ZNF182: variants seen among roughly 807,000 people sequenced by gnomAD.
ZNF182 encodes the protein zinc finger protein 21 (KOX 14).
In ZNF182, 10 loss-of-function variants were observed where a neutral mutation model predicts 28.1. The observed-to-expected ratio is 0.36, with a 90% CI of 0.22 to 0.60. The LOEUF is 0.60. ZNF182 is among the 20% of genes least tolerant of loss of function. The pLI is 0.75. For missense variants in ZNF182, 352 were observed against 453.2 expected (o/e 0.78, Z 2.03); for synonymous variants, 156 against 158.7 (o/e 0.98, Z 0.13).
chrX:47,999,470 G>A (rs782149666), intron 3 of ZNF182, among the ~76,000 whole-genome samples: 1 of 110,334 alleles, frequency 9.1e-6, no homozygotes, highest in South Asian at 3.9e-4. Flanking sequence ...AATACTGCCT[G>A]TGCTCACTCA....
intron 5 of ZNF182, among the ~76,000 whole-genome samples, chrX:47,978,395 C>T (rs2058893576): frequency 8.9e-6 from 1 of 111,826 alleles, no homozygotes; most frequent in Middle Eastern, 4.6e-3. Context: ...TTAACTGTAC[C>T]TGACTTACAG....
At chrX:47,981,565 G>A (rs1556899103) in intron 5 of ZNF182, among the ~76,000 whole-genome samples, 1 of 112,294 alleles carries the variant, frequency 8.9e-6, no homozygotes, top group Non-Finnish European at 1.9e-5. Context: ...TGTAACTCAT[G>A]GTAGCCAAAT....
At chrX:47,980,449 G>C (rs142163994) in intron 5 of ZNF182, among the ~76,000 whole-genome samples, 102 of 111,805 alleles carry the variant, frequency 9.1e-4, no homozygotes, top group African/African-American at 3.2e-3. Flanking sequence ...AAAAGATTTT[G>C]AATGTTCTCC....
At chrX:47,983,443 G>C (rs1569408886) in intron 3 of ZNF182, 32 bp from the exon 4 acceptor site, 1 of 1,171,914 alleles carries the variant, frequency 8.5e-7, no homozygotes, top group Non-Finnish European at 1.1e-6. Flanking sequence ...ATTTTAAAAT[G>C]CTGACCACTA....
At chrX:47,994,782 G>A (rs1556900860) in intron 3 of ZNF182, among the ~76,000 whole-genome samples, 1 of 110,381 alleles carries the variant, frequency 9.1e-6, no homozygotes, top group East Asian at 2.9e-4. Context: ...GAGATTACAG[G>A]CACCTGCCAC....
rs1044149773 is a variant in ZNF182, at chrX:47,976,423, G to A, written c.1607C>T (p.Ser536Leu). 6 of 1,211,623 alleles carry A rather than the reference G, an allele frequency of 5.0e-6. No individual in the cohort carries two copies. Among genetic ancestry groups the A allele is most frequent in the Non-Finnish European group, 6.7e-6 (6 of 895,506 alleles). ...PVCWKAFSQK[S>L]QLIIHQRTHT... ...CGTTCTCTGATGTATTATGAGCTGT[G>A]ACTTCTGGCTAAAAGCTTTCCAACA... Residue 536 changes from serine to leucine, a missense_variant, in exon 6 of 6, where the codon TCA becomes TTA. Transcript: ENST00000376943.
chrX:47,984,950 A>G (rs1383339601), intron 3 of ZNF182, among the ~76,000 whole-genome samples: 1 of 111,780 alleles, frequency 8.9e-6, no homozygotes, highest in East Asian at 2.8e-4. Context: ...CACACCTATT[A>G]GAATGGGGAA....
At chrX:47,985,703 G>A (rs2146463437) in intron 3 of ZNF182, among the ~76,000 whole-genome samples, 1 of 110,812 alleles carries the variant, frequency 9.0e-6, no homozygotes, top group South Asian at 4.0e-4. Context: ...TGTGGAAGTG[G>A]AAGTGGCACC....
intron 3 of ZNF182, among the ~76,000 whole-genome samples, chrX:47,987,042 CGT>C (rs2058925628): frequency 8.9e-6 from 1 of 111,844 alleles, no homozygotes; most frequent in Non-Finnish European, 1.9e-5. Context: ...ACCTTGTGAT[CGT>C]GTGAGTCAAT....
chrX:47,996,731 G>T (rs2058959563), intron 3 of ZNF182, among the ~76,000 whole-genome samples: 1 of 111,713 alleles, frequency 9.0e-6, no homozygotes, highest in South Asian at 3.7e-4. Context: ...GTTAAATGAG[G>T]TCATAAGGGT....
chrX:47,977,887 T>C (rs2058891799), intron 5 of ZNF182, 90 bp from the exon 6 acceptor site: 1 of 828,161 alleles, frequency 1.2e-6, no homozygotes, highest in Non-Finnish European at 1.6e-6. Flanking sequence ...AAGCTGATAC[T>C]ATAATCTCAT....
At chrX:47,990,105 T>TA (rs1166697396) in intron 3 of ZNF182, among the ~76,000 whole-genome samples, 1 of 109,941 alleles carries the variant, frequency 9.1e-6, no homozygotes. Flanking sequence ...TCTCAGGCAT[T>TA]AAAAAAAACA....
At chrX:47,986,273 CTGTAAT>C (rs1479638663) in intron 3 of ZNF182, among the ~76,000 whole-genome samples, 2 of 112,601 alleles carry the variant, frequency 1.8e-5, no homozygotes, top group East Asian at 5.6e-4. Context: ...GAAACGAGGA[CTGTAAT>C]TGTCATGAGG....
intron 5 of ZNF182, among the ~76,000 whole-genome samples, chrX:47,981,473 T>G (rs1814670178): frequency 8.9e-6 from 1 of 112,772 alleles, no homozygotes; most frequent in Non-Finnish European, 1.9e-5. Context: ...CACCTTTGGA[T>G]GATGCTACAA....
chrX:47,979,675 C>T (rs997099293), intron 5 of ZNF182, among the ~76,000 whole-genome samples: 1 of 111,135 alleles, frequency 9.0e-6, no homozygotes, highest in Non-Finnish European at 1.9e-5. Flanking sequence ...TTAAGAATCA[C>T]CACATTACTG....
intron 2 of ZNF182, among the ~76,000 whole-genome samples, chrX:48,002,859 T>C (rs1478038824): frequency 2.7e-5 from 3 of 112,490 alleles, no homozygotes; most frequent in Non-Finnish European, 5.6e-5. Context: ...TATACACATA[T>C]ATTAAATTGT....
rs782156623 is a variant in ZNF182 at position 47,977,560 on chromosome X, C to G, written c.470G>C (p.Arg157Thr). 1 of 1,207,300 alleles carries G rather than the reference C, an allele frequency of 8.3e-7. No individual in the cohort carries two copies. The highest frequency in any genetic ancestry group is 1.1e-6 in the Non-Finnish European group (1 of 893,361). The change falls in exon 6 of 6, where the codon AGA becomes ACA. Residue 157 changes from arginine to threonine, a missense_variant. By Grantham distance (71) the Arg-to-Thr change is moderately conservative. Coordinates refer to ENST00000376943, the MANE Select transcript of ZNF182 (RefSeq NM_001007088.2). ...NMVDNLDLFS[R>T]SSAENKYDNG... ...ATCATATTTATTTTCTGCAGAACTT[C>G]TACTAAATAAGTCTAAATTATCTAC...
In ZNF182 at chrX:47,976,080, C is replaced by T; in HGVS notation, c.*87G>A. ...GGCTGAATTTACTCCCATATTTAAA[C>T]CACAAGTCAAAATATACTTTTAAAA... On this transcript the variant is annotated 3_prime_UTR_variant, in exon 6 of 6. Coordinates refer to ENST00000376943, the MANE Select transcript of ZNF182 (RefSeq NM_001007088.2). 1 of 961,002 alleles carries T rather than the reference C, an allele frequency of 1.0e-6. No homozygotes were observed. Among genetic ancestry groups the T allele is most frequent in the Non-Finnish European group, 1.4e-6 (1 of 724,653 alleles). The allele number at this position is 961,002 out of a possible 1,213,427, so 79.2% of individuals were successfully genotyped here. A position where few individuals can be genotyped will look rare whatever the true frequency, so the allele number is the denominator to read the frequency against.
chrX:47,998,842 G>A (rs1461680354), intron 3 of ZNF182, among the ~76,000 whole-genome samples: 16 of 84,169 alleles, frequency 1.9e-4, no homozygotes, highest in Non-Finnish European at 3.0e-4. Context: ...GTGACAGAGC[G>A]AGACTCCGTC....
Sources: gnomAD v4.1 joint callset for allele counts (sites outside exome capture counted in the v4.1 genomes callset) on GRCh38, gnomAD v4.1.1 for gene constraint, MANE v1.5 for transcripts, NCBI Gene and HGNC (gene_info 2026-07-23, HGNC 2026-07-21) for gene names.